The following DNAH12 variants were observed in gnomAD, a reference collection of about 807,000 sequenced individuals.
DNAH12 encodes dynein axonemal heavy chain 12, also known as axonemal beta dynein heavy chain 12.
Under a neutral mutation model 371.5 loss-of-function variants are expected in DNAH12, and 285 were observed. The observed-to-expected ratio is 0.77, with a 90% CI of 0.70 to 0.85. The LOEUF is 0.85. Ranked by LOEUF, DNAH12 falls within the 40% of genes least tolerant of loss-of-function variation. DNAH12 has a pLI of 0.00. For missense variants in DNAH12, 3,611 were observed against 3,689.4 expected, an observed-to-expected ratio of 0.98 and a Z score of 0.55; for synonymous variants, 1,200 against 1,213.0, an observed-to-expected ratio of 0.99 and a Z score of 0.22.
rs1286056861 is a variant in DNAH12 at position 57,470,603 on chromosome 3, T to A, written c.1945A>T (p.Ile649Phe). Residue 649 changes from isoleucine to phenylalanine, a missense_variant, in exon 16 of 74, where the codon ATT becomes TTT. Ile to Phe is a conservative substitution (Grantham distance 21). Coordinates refer to ENST00000495027, the MANE Select transcript of DNAH12 (RefSeq NM_001366028.2). ...VTDVRQLQKRIQESEEAVQFI... is the reference protein window; with the variant it reads ...VTDVRQLQKRFQESEEAVQFI... ...TGCACTGCTTCTTCAGATTCCTGAA[T>A]ACGTTTTTGTAGTTGTCTTACATCT... is the stretch of plus-strand genomic sequence containing the variant. 1 of 1,541,894 alleles carries A rather than the reference T, an allele frequency of 6.5e-7. No individual in the cohort carries two copies. Among genetic ancestry groups the A allele is most frequent in the Non-Finnish European group, 8.7e-7 (1 of 1,145,010 alleles).
chr3:57,367,210 T>C (rs2063069578), intron 56 of DNAH12, among the ~76,000 whole-genome samples: 1 of 152,178 alleles, frequency 6.6e-6, no homozygotes, highest in Admixed American at 6.6e-5. Flanking sequence ...GGAACACACC[T>C]GTAATCCCAG....
At chr3:57,493,071 A>G (rs2067186761) in intron 11 of DNAH12, among the ~76,000 whole-genome samples, 1 of 152,196 alleles carries the variant, frequency 6.6e-6, no homozygotes, top group Non-Finnish European at 1.5e-5. Flanking sequence ...CTTGATATTT[A>G]GGACTTATAG....
chr3:57,349,500 A>G (rs2062621249), intron 60 of DNAH12, among the ~76,000 whole-genome samples: 1 of 152,218 alleles, frequency 6.6e-6, no homozygotes, highest in South Asian at 2.1e-4. Flanking sequence ...AGTATATGAA[A>G]AAGACACCTG....
rs979413270 is a variant in DNAH12, at chr3:57,297,193, A to C, written c.11395-209T>G. 3 of 561,954 alleles carry C rather than the reference A, an allele frequency of 5.3e-6. No homozygotes were observed. The South Asian group carries it at 7.3e-5, about 14-fold the overall frequency. The allele number at this position is 561,954 out of a possible 1,614,324, so 34.8% of individuals were successfully genotyped here. On this transcript the variant is annotated intron_variant, in intron 70 of 73. Coordinates refer to ENST00000495027, the MANE Select transcript of DNAH12 (RefSeq NM_001366028.2). ...TTGGAAAACTCAGAACAATTTGAGCATTAACGTGAATGAAACATAGTTTGA... is the reference window on the plus strand; with the variant it reads ...TTGGAAAACTCAGAACAATTTGAGCCTTAACGTGAATGAAACATAGTTTGA...
chr3:57,476,425 G>A (rs1024288814), intron 13 of DNAH12, among the ~76,000 whole-genome samples: 9 of 152,004 alleles, frequency 5.9e-5, no homozygotes, highest in African/African-American at 1.7e-4. Context: ...TTAGCCAGGC[G>A]TGGTGGCGGG....
chr3:57,295,075 C>G (rs997080251), intron 73 of DNAH12, among the ~76,000 whole-genome samples: 15 of 152,298 alleles, frequency 9.8e-5, no homozygotes, highest in Admixed American at 5.2e-4. Context: ...GCCCCCACCC[C>G]ATGTGGCTAG....
At chr3:57,474,210 T>C (rs1027846297) in intron 13 of DNAH12, among the ~76,000 whole-genome samples, 1 of 152,170 alleles carries the variant, frequency 6.6e-6, no homozygotes, top group African/African-American at 2.4e-5. Context: ...GCAAGTTATA[T>C]AATGGTATAT....
At chr3:57,482,930 G>A (rs1447319487) in intron 13 of DNAH12, among the ~76,000 whole-genome samples, 1 of 124,294 alleles carries the variant, frequency 8.0e-6, no homozygotes, top group Non-Finnish European at 1.7e-5. Context: ...TGTGGGGTGG[G>A]GGGAGGGGGG....
intron 4 of DNAH12, among the ~76,000 whole-genome samples, chr3:57,516,280 T>C (rs1381195677): frequency 6.6e-6 from 1 of 151,984 alleles, no homozygotes; most frequent in Non-Finnish European, 1.5e-5. Context: ...GTCAGGCTGG[T>C]CTCGAACTCC....
intron 25 of DNAH12, among the ~76,000 whole-genome samples, chr3:57,448,462 CA>C (rs1339144282): frequency 6.6e-6 from 1 of 152,224 alleles, no homozygotes; most frequent in Non-Finnish European, 1.5e-5. Flanking sequence ...TCGTTCCTCC[CA>C]GGGGGGCTCG....
intron 2 of DNAH12, among the ~76,000 whole-genome samples, chr3:57,536,787 A>G (rs1275355392): frequency 6.6e-6 from 1 of 152,214 alleles, no homozygotes; most frequent in Non-Finnish European, 1.5e-5. Context: ...TTCTTTATAT[A>G]TGAATGCCAC....
chr3:57,396,896 G>A (rs1367571288), intron 43 of DNAH12, among the ~76,000 whole-genome samples: 1 of 152,162 alleles, frequency 6.6e-6, no homozygotes, highest in Non-Finnish European at 1.5e-5. Flanking sequence ...ATGGTGACGG[G>A]CACCTATAAT....
chr3:57,555,874 G>A, the DNAH12 span, among the ~76,000 whole-genome samples: 2 of 152,252 alleles, frequency 1.3e-5, no homozygotes, highest in Admixed American at 6.5e-5. Context: ...CTGTGGAGAT[G>A]AAATGGGCAA....
chr3:57,447,138 A>AT (rs1295808861), intron 25 of DNAH12, among the ~76,000 whole-genome samples: 24 of 152,212 alleles, frequency 1.6e-4, no homozygotes, highest in Admixed American at 1.4e-3. Flanking sequence ...TTTGTCTACG[A>AT]TTTGCCTGGC....
intron 25 of DNAH12, among the ~76,000 whole-genome samples, chr3:57,449,616 G>C (rs572979604): frequency 6.6e-6 from 1 of 152,228 alleles, no homozygotes; most frequent in Non-Finnish European, 1.5e-5. Flanking sequence ...GCCCGGGGCC[G>C]GCAGGGCTGG....
chr3:57,446,698 A>G lies in DNAH12; in HGVS notation c.3787-9T>C, dbSNP rs192865715. The G allele has an allele frequency of 5.7e-5, 85 of 1,481,900 alleles. No homozygotes were observed. In the East Asian group the frequency reaches 2.1e-3, roughly 36 times the overall value. The allele number at this position is 1,481,900 out of a possible 1,614,324, so 91.8% of individuals were successfully genotyped here. On this transcript the variant is annotated splice_polypyrimidine_tract_variant and intron_variant, in intron 25 of 73. Coordinates refer to ENST00000495027, the MANE Select transcript of DNAH12 (RefSeq NM_001366028.2). ...AAATAGAAAGCACCTATCTGAAATG[A>G]AAAACACATGTGAAAAGAAATCCAT... is the stretch of plus-strand genomic sequence containing the variant.
chr3:57,352,206 C>G lies in DNAH12; in HGVS notation c.9553G>C (p.Glu3185Gln). The change falls in exon 60 of 74, where the codon GAA becomes CAA. Residue 3185 changes from glutamate to glutamine, a missense_variant. By Grantham distance (29) the Glu-to-Gln change is conservative. Coordinates refer to ENST00000495027, the MANE Select transcript of DNAH12 (RefSeq NM_001366028.2). The stretch of plus-strand genomic sequence containing the variant: ...TCATTTAAATATCGTAGGCGCTTTT[C>G]CAAAATCTTGGATTTGTTACTAAAG... ...IHDSNKSKIL[E>Q]KRLRYLNDHF... The G allele has an allele frequency of 6.5e-7, 1 of 1,531,302 alleles. No homozygotes were observed. Among genetic ancestry groups the G allele is most frequent in the Non-Finnish European group, 8.8e-7 (1 of 1,142,166 alleles). 94.9% of individuals were successfully genotyped at this position (1,531,302 alleles called of 1,614,324 possible).
At chr3:57,360,413 G>A (rs964647013) in intron 58 of DNAH12, among the ~76,000 whole-genome samples, 1 of 152,310 alleles carries the variant, frequency 6.6e-6, no homozygotes, top group South Asian at 2.1e-4. Context: ...GTCCAGCCAG[G>A]CACAGTGGCT....
chr3:57,454,162 T>C (rs1423824951), intron 23 of DNAH12, among the ~76,000 whole-genome samples: 1 of 152,004 alleles, frequency 6.6e-6, no homozygotes, highest in Non-Finnish European at 1.5e-5. Flanking sequence ...TGAGTGATTT[T>C]GTCTAAGCCC....
Sources: allele counts gnomAD v4.1 joint callset (sites outside exome capture counted in the v4.1 genomes callset), GRCh38; gene constraint gnomAD v4.1.1; transcripts MANE v1.5; gene names NCBI Gene and HGNC (gene_info 2026-07-23, HGNC 2026-07-21).